The following CAAP1 variants were observed in gnomAD, a reference collection of about 807,000 sequenced individuals.
The protein encoded by CAAP1 is caspase activity and apoptosis inhibitor 1.
Under a neutral mutation model 34.0 loss-of-function variants are expected in CAAP1, and 20 were observed. The ratio of observed to expected loss-of-function variants is 0.59; its 90% CI spans 0.41 to 0.86. The LOEUF is 0.86. CAAP1 is among the 40% of genes least tolerant of loss of function. The pLI, the probability that CAAP1 is intolerant of heterozygous loss-of-function variation, is 0.00. For synonymous variants in CAAP1, 213 were observed against 166.7 expected (o/e 1.28, Z -2.14); for missense variants, 538 against 450.5 (o/e 1.19, Z -1.76).
At chr9:26,891,585 C>G (rs919279685) in intron 1 of CAAP1, among the ~76,000 whole-genome samples, 7 of 152,026 alleles carry the variant, frequency 4.6e-5, no homozygotes, top group Non-Finnish European at 8.8e-5. Context: ...ACAAAAAAAC[C>G]TGCACACCCA....
rs144748901 is a variant in CAAP1, at chr9:26,873,195, T to C, written c.665+11615A>G. Among the ~76,000 whole-genome samples the C allele has an allele frequency of 7.6e-3, 1,162 of 152,332 alleles. 8 individuals are homozygous for C. Among genetic ancestry groups the C allele is most frequent in the Admixed American group, 0.015 (225 of 15,298 alleles). On this transcript the variant is annotated intron_variant, in intron 4 of 5. Transcript: ENST00000333916. The stretch of plus-strand genomic sequence containing the variant: ...TTATCACTTCAGCAGTGACCCGTGA[T>C]TGAGCCAATGCACTCCAGCCAGGGT...
chr9:26,889,188 GA>G (rs1823836270), intron 1 of CAAP1, among the ~76,000 whole-genome samples: 1 of 152,170 alleles, frequency 6.6e-6, no homozygotes, highest in African/African-American at 2.4e-5. Context: ...AGGCTGAGGC[GA>G]ACGGATCACC....
At position 26,847,457 on chromosome 9, in the gene CAAP1, G is replaced by A. The variant is rs545300525; in HGVS notation, c.740-4810C>T. Among the ~76,000 whole-genome samples, 16 of 151,674 alleles carry A rather than the reference G, an allele frequency of 1.1e-4. 2 individuals are homozygous for A. Among genetic ancestry groups the A allele is most frequent in the African/African-American group, 2.9e-4 (12 of 41,380 alleles). Reference sequence around the variant, plus strand: ...TCTCGATCTCCTGACCTCGTGATCCGCCCGTCTCGGCCTCCCAAAGTGCTG... The same window carrying A: ...TCTCGATCTCCTGACCTCGTGATCCACCCGTCTCGGCCTCCCAAAGTGCTG... On this transcript the variant is annotated intron_variant, in intron 5 of 5. Transcript: ENST00000333916.
intron 5 of CAAP1, among the ~76,000 whole-genome samples, chr9:26,855,168 T>A (rs542095064): frequency 6.6e-6 from 1 of 152,274 alleles, no homozygotes; most frequent in Non-Finnish European, 1.5e-5. Context: ...ACAAAATGTG[T>A]TATCAAGCCA....
At chr9:26,850,311 A>C (rs1387031530) in intron 5 of CAAP1, among the ~76,000 whole-genome samples, 1 of 152,094 alleles carries the variant, frequency 6.6e-6, no homozygotes, top group Non-Finnish European at 1.5e-5. Context: ...ACAAACACAC[A>C]AGTACGTGGG....
At chr9:26,855,594 CA>C (rs897251187) in intron 5 of CAAP1, among the ~76,000 whole-genome samples, 6 of 148,574 alleles carry the variant, frequency 4.0e-5, no homozygotes, top group African/African-American at 9.9e-5. Context: ...AAGCTGCTAC[CA>C]AAAAAAAAGC....
chr9:26,857,941 A>C (rs1377951637), intron 5 of CAAP1, among the ~76,000 whole-genome samples: 1 of 152,244 alleles, frequency 6.6e-6, no homozygotes, highest in Non-Finnish European at 1.5e-5. Context: ...GCAATACTTC[A>C]GTATTTTAAA....
chr9:26,882,274 CTT>C (rs1429248281), intron 4 of CAAP1, among the ~76,000 whole-genome samples: 2 of 152,176 alleles, frequency 1.3e-5, no homozygotes, highest in African/African-American at 4.8e-5. Context: ...TGTCAGAGGT[CTT>C]CATGGCAGTC....
chr9:26,863,286 TG>T (rs1823047778), intron 4 of CAAP1, among the ~76,000 whole-genome samples: 1 of 152,148 alleles, frequency 6.6e-6, no homozygotes, highest in Admixed American at 6.5e-5. Context: ...TACACCACCC[TG>T]TGGCAGAAAA....
chr9:26,867,763 T>C (rs1018737697), intron 4 of CAAP1, among the ~76,000 whole-genome samples: 2 of 152,300 alleles, frequency 1.3e-5, no homozygotes, highest in Admixed American at 1.3e-4. Context: ...TGTCCATAAG[T>C]ATATTACCAT....
At chr9:26,869,747 A>G (rs1823228281) in intron 4 of CAAP1, among the ~76,000 whole-genome samples, 2 of 152,214 alleles carry the variant, frequency 1.3e-5, no homozygotes, top group South Asian at 4.1e-4. Flanking sequence ...ATGGTGGGAG[A>G]GGTACATGGG....
chr9:26,872,553 A>ATATAT (rs560375272), intron 4 of CAAP1, among the ~76,000 whole-genome samples: 2 of 142,554 alleles, frequency 1.4e-5, no homozygotes, highest in African/African-American at 5.4e-5. Flanking sequence ...ATATACATAT[A>ATATAT]ATATATATAT....
chr9:26,882,121 A>T (rs1368231088), intron 4 of CAAP1, among the ~76,000 whole-genome samples: 1 of 152,234 alleles, frequency 6.6e-6, no homozygotes, highest in Non-Finnish European at 1.5e-5. Context: ...AGGGAAACAG[A>T]GCGTAAAAGT....
At chr9:26,891,744 CGAG>C (rs1210862380) in intron 1 of CAAP1, among the ~76,000 whole-genome samples, 4 of 152,106 alleles carry the variant, frequency 2.6e-5, no homozygotes, top group African/African-American at 9.7e-5. Context: ...ACGTATCTCA[CGAG>C]GAGTGATTAA....
intron 4 of CAAP1, among the ~76,000 whole-genome samples, chr9:26,867,067 C>G (rs1823157445): frequency 6.6e-6 from 1 of 152,172 alleles, no homozygotes; most frequent in Non-Finnish European, 1.5e-5. Flanking sequence ...ACTGCACATG[C>G]AAGGGATCTC....
intron 5 of CAAP1, among the ~76,000 whole-genome samples, chr9:26,845,266 A>G (rs1822573223): frequency 6.6e-6 from 1 of 152,202 alleles, no homozygotes; most frequent in Non-Finnish European, 1.5e-5. Flanking sequence ...TATTTGTTGA[A>G]TTATACTCAG....
At chr9:26,862,989 TTGA>T (rs1823039461) in intron 4 of CAAP1, among the ~76,000 whole-genome samples, 1 of 152,134 alleles carries the variant, frequency 6.6e-6, no homozygotes, top group Non-Finnish European at 1.5e-5. Flanking sequence ...TAAGTAAATC[TTGA>T]TAAAGGGTAT....
chr9:26,848,323 C>CTA (rs1822664416), intron 5 of CAAP1, among the ~76,000 whole-genome samples: 1 of 152,072 alleles, frequency 6.6e-6, no homozygotes, highest in Non-Finnish European at 1.5e-5. Context: ...ACCATTCTGG[C>CTA]TAACACAGTG....
chr9:26,885,002 G>A, intron 3 of CAAP1, 117 bp from the exon 4 acceptor site: 1 of 688,792 alleles, frequency 1.5e-6, no homozygotes, highest in Middle Eastern at 3.3e-4. Context: ...TTTATACTGG[G>A]TCAAAACTTA....
Sources: allele counts gnomAD v4.1 joint callset (sites outside exome capture counted in the v4.1 genomes callset), GRCh38; gene constraint gnomAD v4.1.1; transcripts MANE v1.5; gene names NCBI Gene and HGNC (gene_info 2026-07-23, HGNC 2026-07-21).